The following SOS1 variants were observed in gnomAD, a reference collection of about 807,000 sequenced individuals.
SOS1 encodes SOS Ras/Rac guanine nucleotide exchange factor 1.
SOS1 carries 25 observed loss-of-function variants against 157.6 expected under a neutral mutation model. That is an observed-to-expected ratio of 0.16 (90% CI 0.12 to 0.22). The LOEUF is 0.22. Ranked by LOEUF, SOS1 falls within the 10% of genes least tolerant of loss-of-function variation. The pLI, the probability that SOS1 is intolerant of heterozygous loss-of-function variation, is 1.00. For synonymous variants in SOS1, 528 were observed against 534.0 expected (o/e 0.99, Z 0.16); for missense variants, 1,237 against 1,599.1 (o/e 0.77, Z 3.86).
At chr2:39,100,409 C>T (rs1163509415) in intron 1 of SOS1, among the ~76,000 whole-genome samples, 2 of 152,094 alleles carry the variant, frequency 1.3e-5, no homozygotes, top group Non-Finnish European at 2.9e-5. Flanking sequence ...AACAATGTGT[C>T]AACTGACAGA....
intron 2 of SOS1, 152 bp from the exon 3 acceptor site, chr2:39,058,956 A>G (rs1671308506): frequency 1.6e-6 from 1 of 641,600 alleles, no homozygotes; most frequent in South Asian, 2.0e-5. Context: ...AAGAGAAAAC[A>G]GTAATTGTCA....
Position 38,985,942 on chromosome 2 carries a change from C to T in SOS1, c.3884G>A (p.Arg1295Gln), listed in dbSNP as rs1668542997. ...AGGGATATGTTGAGAAGTGCTTTGT[C>T]GTGGAGGAACAGGCGGCCCAGCAAT... ...HSIAGPPVPP[R>Q]QSTSQHIPKL... Residue 1295 changes from arginine (R) to glutamine (Q), a missense_variant, in exon 23 of 23, where the codon CGA (arginine) becomes CAA (glutamine). Arg to Gln is a conservative substitution (Grantham distance 43). This residue lies in a region of SOS1 where 306 missense variants were observed against 322.6 expected (regional missense o/e 0.95). Transcript: ENST00000402219. 2.5e-6 allele frequency: 4 copies of T among 1,613,748 alleles called. No homozygotes were observed. Among genetic ancestry groups the T allele is most frequent in the South Asian group, 1.1e-5 (1 of 91,064 alleles).
At position 39,057,569 on chromosome 2, in the gene SOS1, T is replaced by G. The variant is rs190660491; in HGVS notation, c.346-703A>C. Reference sequence around the variant, plus strand: ...AGTTTGTTACAAATTGGAGACAGGCTGCATTTACCTTTTAGGGTATATAAA... The same window carrying G: ...AGTTTGTTACAAATTGGAGACAGGCGGCATTTACCTTTTAGGGTATATAAA... On this transcript the variant is annotated intron_variant, in intron 3 of 22. Coordinates refer to ENST00000402219, the MANE Select transcript of SOS1 (RefSeq NM_005633.4). Among the ~76,000 whole-genome samples the G allele has an allele frequency of 6.3e-4, 96 of 152,200 alleles. 1 individual carries two copies. Among genetic ancestry groups the G allele is most frequent in the African/African-American group, 2.1e-3 (89 of 41,572 alleles).
chr2:39,045,679 T>C (rs1292878699), intron 6 of SOS1, among the ~76,000 whole-genome samples: 1 of 152,230 alleles, frequency 6.6e-6, no homozygotes, highest in Non-Finnish European at 1.5e-5. Flanking sequence ...GAAAATCTTT[T>C]ATAAGCTGCA....
At chr2:39,041,018 T>C (rs1476186888) in intron 6 of SOS1, among the ~76,000 whole-genome samples, 3 of 152,228 alleles carry the variant, frequency 2.0e-5, no homozygotes, top group Non-Finnish European at 2.9e-5. Flanking sequence ...TTTCCCTTTA[T>C]TTAAATTTTA....
At chr2:39,031,338 G>A (rs189726022) in intron 8 of SOS1, among the ~76,000 whole-genome samples, 53 of 152,308 alleles carry the variant, frequency 3.5e-4, no homozygotes, top group African/African-American at 1.2e-3. Context: ...TTGTTTGGGT[G>A]CATCTTGGGG....
rs1671005244 is a variant in SOS1, at chr2:39,051,201, C to T, written c.807G>A (p.Met269Ile). The T allele has an allele frequency of 1.2e-6, 2 of 1,613,644 alleles. No individual in the cohort carries two copies. The highest frequency in any genetic ancestry group is 1.7e-6 in the Non-Finnish European group (2 of 1,179,614). The change falls in exon 6 of 23, where the codon ATG (methionine) becomes ATA (isoleucine). Residue 269 changes from methionine to isoleucine, a missense_variant. Physicochemically the swap from Met to Ile is conservative, Grantham distance 10. Around this residue, in one of 15 missense-constraint regions of SOS1, gnomAD observed 108 missense variants for 115.3 expected, o/e 0.94. Transcript: ENST00000402219. ...GTGGATGGGGACTGCCTTCATCTGT[C>T]ATTTCTACTGTATCTTCTATATGGC... is the stretch of plus-strand genomic sequence containing the variant. Reference protein sequence around the residue: ...LLGHIEDTVEMTDEGSPHPLV... With the variant: ...LLGHIEDTVEITDEGSPHPLV...
intron 16 of SOS1, 54 bp downstream of exon 16, chr2:39,006,977 A>G (rs1669300304): frequency 2.5e-6 from 3 of 1,190,844 alleles, no homozygotes; most frequent in Non-Finnish European, 3.8e-6. Flanking sequence ...TTAAAAATCT[A>G]ATTTTTCTAA....
At chr2:39,045,271 A>AGAGT (rs1348818326) in intron 6 of SOS1, among the ~76,000 whole-genome samples, 10 of 71,102 alleles carry the variant, frequency 1.4e-4, no homozygotes, top group African/African-American at 7.7e-4. Flanking sequence ...AGAGAGAGAG[A>AGAGT]GAGTGTGTGT....
intron 1 of SOS1, among the ~76,000 whole-genome samples, chr2:39,112,311 C>T (rs1673470703): frequency 6.6e-6 from 1 of 152,208 alleles, no homozygotes; most frequent in Admixed American, 6.5e-5. Flanking sequence ...TCTCCACATT[C>T]AGCACTGCTG....
chr2:39,106,033 A>AT (rs1325901846), intron 1 of SOS1, among the ~76,000 whole-genome samples: 1 of 152,072 alleles, frequency 6.6e-6, no homozygotes, highest in Non-Finnish European at 1.5e-5. Flanking sequence ...CCTGGGCAAC[A>AT]TGGTAAAACC....
chr2:38,982,675 G>A lies in SOS1; in HGVS notation c.*3149C>T, dbSNP rs541644361. On this transcript the variant is annotated 3_prime_UTR_variant, in exon 23 of 23. Coordinates refer to ENST00000402219, the MANE Select transcript of SOS1 (RefSeq NM_005633.4). ...AATATGTACAACACTAATAAATTGG[G>A]ACACTCCTCCTATTTTGCTGAGTCA... is the stretch of plus-strand genomic sequence containing the variant. The A allele has an allele frequency of 3.9e-5, 6 of 152,238 alleles. No individual in the cohort carries two copies. In the South Asian group the frequency reaches 1.2e-3, roughly 32 times the overall value. The allele number at this position is 152,238 out of a possible 1,614,324, so 9.4% of individuals were successfully genotyped here. A position where few individuals can be genotyped will look rare whatever the true frequency, so the allele number is the denominator to read the frequency against.
At chr2:39,098,910 C>T (rs1672869282) in intron 1 of SOS1, among the ~76,000 whole-genome samples, 1 of 152,070 alleles carries the variant, frequency 6.6e-6, no homozygotes. Context: ...ATTCTTACAA[C>T]TCAACAGTAA....
At chr2:39,089,685 G>C (rs1489914944) in intron 1 of SOS1, among the ~76,000 whole-genome samples, 1 of 151,962 alleles carries the variant, frequency 6.6e-6, no homozygotes. Context: ...CCTACTAGAG[G>C]GCAGTGACTG....
Position 39,015,581 on chromosome 2 carries a change from A to G in SOS1, c.1859-735T>C, listed in dbSNP as rs1669602099. Among the ~76,000 whole-genome samples, 9 of 151,982 alleles carry G rather than the reference A, an allele frequency of 5.9e-5. No individual in the cohort carries two copies. In the South Asian group the frequency reaches 1.9e-3, roughly 32 times the overall value. ...TTCATTCACATCTCCATGAAGTAAA[A>G]CAAGAGGCTGAGTGTGATCACTCCC... On this transcript the variant is annotated intron_variant, in intron 10 of 22. Coordinates refer to ENST00000402219, the MANE Select transcript of SOS1 (RefSeq NM_005633.4).
intron 8 of SOS1, chr2:39,034,863 G>C: frequency 2.2e-6 from 1 of 462,742 alleles, no homozygotes; most frequent in South Asian, 1.5e-5. Context: ...TGGAAACTGC[G>C]ATGCATAAAT....
At chr2:38,990,412 T>C (rs1470165620) in intron 20 of SOS1, among the ~76,000 whole-genome samples, 1 of 152,128 alleles carries the variant, frequency 6.6e-6, no homozygotes, top group Non-Finnish European at 1.5e-5. Context: ...AAATTCATTT[T>C]TCTACTCTGA....
intron 10 of SOS1, among the ~76,000 whole-genome samples, chr2:39,019,575 C>A (rs1475488357): frequency 6.6e-6 from 1 of 151,652 alleles, no homozygotes; most frequent in East Asian, 1.9e-4. Flanking sequence ...AACACCGAAT[C>A]TGAGAGACAA....
At position 38,996,960 on chromosome 2, in the gene SOS1, C is replaced by T. The variant is rs772348571; in HGVS notation, c.3043G>A (p.Glu1015Lys). The change falls in exon 19 of 23, where the codon GAA becomes AAA. Residue 1015 changes from glutamate (E) to lysine (K), a missense_variant. Glu to Lys is a moderately conservative substitution (Grantham distance 56). Around this residue, in one of 15 missense-constraint regions of SOS1, gnomAD observed 43 missense variants for 83.0 expected, o/e 0.52. Coordinates refer to ENST00000402219, the MANE Select transcript of SOS1 (RefSeq NM_005633.4). ...GGCTTAGGGTTTCGTGGTTCTATTT[C>T]TAGGGATTTGTTGAAAAGATAATCT... ...FTDYLFNKSLEIEPRNPKPLP... is the reference protein window; with the variant it reads ...FTDYLFNKSLKIEPRNPKPLP... 1 of 1,603,092 alleles carries T rather than the reference C, an allele frequency of 6.2e-7. No homozygotes were observed. The highest frequency in any genetic ancestry group is 1.3e-5 in the African/African-American group (1 of 74,686).
Sources: allele counts gnomAD v4.1 joint callset (sites outside exome capture counted in the v4.1 genomes callset), GRCh38; gene constraint gnomAD v4.1.1; regional missense constraint gnomAD v4.1.1; transcripts MANE v1.5; gene names NCBI Gene and HGNC (gene_info 2026-07-23, HGNC 2026-07-21).